SHOC2: variants seen among roughly 807,000 people sequenced by gnomAD.
SHOC2 encodes the protein leucine-rich repeat protein SHOC-2.
SHOC2 carries 4 observed loss-of-function variants against 50.2 expected under a neutral mutation model. The ratio of observed to expected loss-of-function variants is 0.08; its 90% CI spans 0.04 to 0.18. SHOC2 has a LOEUF of 0.18. Ranked by LOEUF, SHOC2 falls within the 10% of genes least tolerant of loss-of-function variation. SHOC2 has a pLI of 1.00. For synonymous variants in SHOC2, 218 were observed against 244.5 expected, an observed-to-expected ratio of 0.89 and a Z score of 1.01; for missense variants, 388 against 669.6, an observed-to-expected ratio of 0.58 and a Z score of 4.64.
intron 1 of SHOC2, among the ~76,000 whole-genome samples, chr10:110,926,068 C>A (rs1398839438): frequency 6.6e-6 from 1 of 152,156 alleles, no homozygotes; most frequent in Non-Finnish European, 1.5e-5. Flanking sequence ...ACTCTAATCA[C>A]CCTTCAGGCC....
At chr10:110,982,435 A>C (rs977479102) in intron 2 of SHOC2, among the ~76,000 whole-genome samples, 19 of 152,054 alleles carry the variant, frequency 1.2e-4, no homozygotes, top group African/African-American at 3.1e-4. Flanking sequence ...CGCCACACTG[A>C]CTTCCACAAT....
At chr10:110,979,822 C>T (rs1399298115) in intron 2 of SHOC2, among the ~76,000 whole-genome samples, 1 of 152,136 alleles carries the variant, frequency 6.6e-6, no homozygotes, top group Non-Finnish European at 1.5e-5. Flanking sequence ...TTCCATTCCT[C>T]TCTCATAATT....
intron 1 of SHOC2, among the ~76,000 whole-genome samples, chr10:110,942,965 C>G (rs959550294): frequency 1.4e-4 from 21 of 152,124 alleles, no homozygotes; most frequent in Non-Finnish European, 4.4e-5. Context: ...AGTCACATCT[C>G]TTGTTGCCTT....
Position 110,919,617 on chromosome 10 carries a change from G to C in SHOC2, c.-275G>C, listed in dbSNP as rs1483033289. The C allele has an allele frequency of 7.5e-6, 3 of 398,652 alleles. No individual in the cohort carries two copies. Among genetic ancestry groups the C allele is most frequent in the Non-Finnish European group, 1.3e-5 (3 of 226,434 alleles). 24.7% of individuals were successfully genotyped at this position (398,652 alleles called of 1,614,324 possible). A position where few individuals can be genotyped will look rare whatever the true frequency, so the allele number is the denominator to read the frequency against. On this transcript the variant is annotated 5_prime_UTR_variant, in exon 1 of 9. Transcript: ENST00000369452. Reference sequence around the variant, plus strand: ...TAGGAGGAGGAGGAAGAGGAGGAAGGAGGGCGAGCGAGGAGGATGGCGGAG... The same window carrying C: ...TAGGAGGAGGAGGAAGAGGAGGAAGCAGGGCGAGCGAGGAGGATGGCGGAG...
intron 3 of SHOC2, among the ~76,000 whole-genome samples, chr10:110,991,748 T>A (rs1848190346): frequency 6.6e-6 from 1 of 152,206 alleles, no homozygotes; most frequent in African/African-American, 2.4e-5. Context: ...TCAACAGTTT[T>A]AATTGACCTT....
chr10:110,933,101 A>G (rs988660268), intron 1 of SHOC2, among the ~76,000 whole-genome samples: 2 of 152,164 alleles, frequency 1.3e-5, no homozygotes, highest in African/African-American at 4.8e-5. Flanking sequence ...TGATTATTAT[A>G]TAGATCTTTT....
chr10:110,968,196 T>A (rs12266042), intron 2 of SHOC2, among the ~76,000 whole-genome samples: 1 of 152,150 alleles, frequency 6.6e-6, no homozygotes, highest in African/African-American at 2.4e-5. Flanking sequence ...TAGTTTTGTT[T>A]TGCAGTTCCC....
At chr10:110,922,396 A>G (rs1389077096) in intron 1 of SHOC2, among the ~76,000 whole-genome samples, 1 of 152,140 alleles carries the variant, frequency 6.6e-6, no homozygotes, top group Non-Finnish European at 1.5e-5. Context: ...CCTTAAAAAT[A>G]TGCTCATTTT....
intron 1 of SHOC2, among the ~76,000 whole-genome samples, chr10:110,957,286 A>G (rs942904663): frequency 2.0e-5 from 3 of 152,200 alleles, no homozygotes; most frequent in African/African-American, 7.2e-5. Flanking sequence ...AGTGACTCCA[A>G]TATGTGCTTG....
intron 1 of SHOC2, chr10:110,937,249 G>T (rs1847044017): frequency 2.0e-6 from 2 of 995,534 alleles, no homozygotes; most frequent in Non-Finnish European, 1.6e-6. Flanking sequence ...GCTGCCCCTT[G>T]GGAAAGCTGC....
rs748386843 is a variant in SHOC2 at position 111,000,553 on chromosome 10, G to C, written c.972+8G>C. 35 of 1,607,476 alleles carry C rather than the reference G, an allele frequency of 2.2e-5. No homozygotes were observed. Among genetic ancestry groups the C allele is most frequent in the Admixed American group, 2.2e-4 (13 of 60,000 alleles). On this transcript the variant is annotated splice_region_variant and intron_variant, in intron 4 of 8. Transcript: ENST00000369452. ...ATTTCTACTTTACCAGAGGTAAGAA[G>C]TGGATTAGAGAAAACAAGATTTGAA... is the stretch of plus-strand genomic sequence containing the variant.
chr10:110,985,312 T>C (rs539359072), intron 2 of SHOC2, among the ~76,000 whole-genome samples: 1 of 152,198 alleles, frequency 6.6e-6, no homozygotes, highest in East Asian at 1.9e-4. Flanking sequence ...CTTAAAGAGG[T>C]TGGAAAAGTA....
At chr10:110,958,451 A>G (rs1254784097) in intron 1 of SHOC2, among the ~76,000 whole-genome samples, 1 of 152,128 alleles carries the variant, frequency 6.6e-6, no homozygotes, top group Admixed American at 6.5e-5. Flanking sequence ...TGACCTCCTG[A>G]TCCGTCTGCC....
intron 4 of SHOC2, among the ~76,000 whole-genome samples, chr10:111,001,183 G>GTTTTTTTTTT (rs1848366699): frequency 7.2e-6 from 1 of 139,792 alleles, no homozygotes; most frequent in Non-Finnish European, 1.5e-5. Flanking sequence ...TTGAGGCAGA[G>GTTTTTTTTTT]TTTAGCTCTT....
At chr10:110,923,412 T>C (rs923683779) in intron 1 of SHOC2, among the ~76,000 whole-genome samples, 11 of 152,116 alleles carry the variant, frequency 7.2e-5, no homozygotes, top group Admixed American at 1.3e-4. Flanking sequence ...TGTTTGGTAT[T>C]TTCCCCCGGG....
intron 1 of SHOC2, among the ~76,000 whole-genome samples, chr10:110,944,319 C>G (rs1847207189): frequency 1.3e-5 from 2 of 150,648 alleles, no homozygotes. Flanking sequence ...TATGTGTGCT[C>G]CTTCTGCCCA....
Position 111,001,809 on chromosome 10 carries a change from G to A in SHOC2, c.972+1264G>A, listed in dbSNP as rs1223050299. ...AGCACTTTGGGAGGCCGAGGCAGGC[G>A]GGCGGATCACTTGAGGTTAGGAGCT... On this transcript the variant is annotated intron_variant, in intron 4 of 8. Coordinates refer to ENST00000369452, the MANE Select transcript of SHOC2 (RefSeq NM_007373.4). Among the ~76,000 whole-genome samples, 5 of 131,310 alleles carry A rather than the reference G, an allele frequency of 3.8e-5. No homozygotes were observed. In the East Asian group the frequency reaches 9.7e-4, roughly 26 times the overall value. The allele number at this position is 131,310 out of a possible 152,430, so 86.1% of individuals were successfully genotyped here.
chr10:111,001,311 C>T (rs1357864030), intron 4 of SHOC2, among the ~76,000 whole-genome samples: 4 of 151,728 alleles, frequency 2.6e-5, no homozygotes, highest in African/African-American at 7.3e-5. Context: ...GGCACTACCA[C>T]GCCCGGTTAA....
chr10:110,983,697 A>G (rs1848026816), intron 2 of SHOC2, among the ~76,000 whole-genome samples: 1 of 152,210 alleles, frequency 6.6e-6, no homozygotes, highest in African/African-American at 2.4e-5. Flanking sequence ...CTCAGCACCT[A>G]CTAACCACGG....
Sources: allele counts gnomAD v4.1 joint callset (sites outside exome capture counted in the v4.1 genomes callset), GRCh38; gene constraint gnomAD v4.1.1; transcripts MANE v1.5; gene names NCBI Gene and HGNC (gene_info 2026-07-23, HGNC 2026-07-21).